Variants in SELP observed in about 807,000 individuals in gnomAD.
SELP encodes the protein P-selectin.
In SELP, 92 loss-of-function variants were observed where a neutral mutation model predicts 104.1. That is an observed-to-expected ratio of 0.88 (90% CI 0.75 to 1.05). The LOEUF (loss-of-function observed/expected upper bound fraction) is 1.05. Among genes scored for constraint, SELP ranks in the 50% least tolerant of loss-of-function variants. SELP has a pLI of 0.00. For missense variants in SELP, 1,022 were observed against 1,017.3 expected (o/e 1.00, Z -0.06); for synonymous variants, 397 against 364.5 (o/e 1.09, Z -1.01).
At chr1:169,593,823 C>T (rs995222117) in intron 13 of SELP, 99 bp from the exon 14 acceptor site, 28 of 1,259,600 alleles carry the variant, frequency 2.2e-5, no homozygotes, top group South Asian at 2.2e-4. Flanking sequence ...CTAAGATGTG[C>T]GATCAAGTAG....
intron 14 of SELP, 64 bp from the exon 15 acceptor site, chr1:169,591,520 C>T (rs902311331): frequency 8.3e-7 from 1 of 1,200,856 alleles, no homozygotes; most frequent in South Asian, 1.4e-5. Context: ...AAGAGAGGGT[C>T]ATTAAGGATA....
chr1:169,617,536 G>C, intron 2 of SELP, 122 bp from the exon 3 acceptor site: 4 of 1,002,812 alleles, frequency 4.0e-6, no homozygotes, highest in Non-Finnish European at 5.9e-6. Flanking sequence ...ACAAAACAAC[G>C]ACTAGTTTAT....
intron 2 of SELP, among the ~76,000 whole-genome samples, chr1:169,618,865 G>A (rs3917699): frequency 0.056 from 8,467 of 152,208 alleles, 267 homozygotes; most frequent in South Asian, 0.11. Flanking sequence ...AAATTCAGAC[G>A]TGTGTGGGTC....
At chr1:169,601,567 G>T (rs925814232) in intron 10 of SELP, among the ~76,000 whole-genome samples, 2 of 152,182 alleles carry the variant, frequency 1.3e-5, no homozygotes, top group Non-Finnish European at 2.9e-5. Context: ...CATTTCTAAA[G>T]TTCATTTAGC....
Position 169,612,357 on chromosome 1 carries a change from GTCATGTTTCCTCGT to G in SELP, c.807_820del (p.Glu269AspfsTer14). 1.2e-6 allele frequency: 2 copies of G among 1,614,084 alleles called. No individual in the cohort carries two copies. Among genetic ancestry groups the G allele is most frequent in the Non-Finnish European group, 1.7e-6 (2 of 1,180,000 alleles). ...GAATGCTTTTGCAGAATGAAGGCAG[GTCATGTTTCCTCGT>G]TCAGGAATCTTCAGGGGTGGGCACT... is the stretch of plus-strand genomic sequence containing the variant. On this transcript the variant is annotated frameshift_variant, in exon 6 of 17. Transcript: ENST00000263686. LOFTEE classifies it high-confidence loss of function.
intron 14 of SELP, 88 bp downstream of exon 14, chr1:169,593,517 G>T: frequency 8.5e-7 from 1 of 1,181,272 alleles, no homozygotes; most frequent in Non-Finnish European, 1.2e-6. Flanking sequence ...TGAAGTTGTG[G>T]TTTTTGCCTC....
chr1:169,589,005 A>T lies in SELP; in HGVS notation c.*458T>A, dbSNP rs988767059. On this transcript the variant is annotated 3_prime_UTR_variant, in exon 17 of 17. Coordinates refer to ENST00000263686, the MANE Select transcript of SELP (RefSeq NM_003005.4). Reference sequence around the variant, plus strand: ...TGGTGCCATCCAGAGGACTCTCTGGAAGCCTCAGAGCAGAGGTCCAAGAGG... The same window carrying T: ...TGGTGCCATCCAGAGGACTCTCTGGTAGCCTCAGAGCAGAGGTCCAAGAGG... 2.6e-5 allele frequency: 4 copies of T among 152,158 alleles called. No individual in the cohort carries two copies. Among genetic ancestry groups the T allele is most frequent in the African/African-American group, 9.7e-5 (4 of 41,436 alleles). The allele number at this position is 152,158 out of a possible 1,614,324, so 9.4% of individuals were successfully genotyped here.
At chr1:169,600,960 C>CAAAT (rs1360763805) in intron 10 of SELP, among the ~76,000 whole-genome samples, 3 of 152,046 alleles carry the variant, frequency 2.0e-5, no homozygotes, top group Non-Finnish European at 4.4e-5. Flanking sequence ...AAGTGGGAGG[C>CAAAT]AAATGCCTCC....
Position 169,611,514 on chromosome 1 carries a change from A to G in SELP, c.1125T>C (p.Ser375=). The G allele has an allele frequency of 3.1e-6, 5 of 1,614,060 alleles. No homozygotes were observed. The highest frequency in any genetic ancestry group is 4.2e-6 in the Non-Finnish European group (5 of 1,179,968). The change falls in exon 7 of 17, where the codon TCT becomes TCC. Residue 375 remains serine, a synonymous_variant. Transcript: ENST00000263686. The part of the protein sequence containing the change: ...MLRCIDSGHW[S]APLPTCEAIS... ...TACCCTCACAGGTTGGCAAGGGTGC[A>G]GACCAGTGTCCAGAGTCAATGCAGC...
At chr1:169,615,181 G>A (rs1199818240) in intron 3 of SELP, among the ~76,000 whole-genome samples, 1 of 152,076 alleles carries the variant, frequency 6.6e-6, no homozygotes, top group African/African-American at 2.4e-5. Flanking sequence ...CCTGACATGT[G>A]GAGAATTATT....
chr1:169,591,513 A>G (rs1337675788), intron 14 of SELP, 57 bp from the exon 15 acceptor site: 3 of 1,280,392 alleles, frequency 2.3e-6, no homozygotes, highest in South Asian at 2.7e-5. Flanking sequence ...AAGATGAAAG[A>G]GAGGGTCATT....
intron 12 of SELP, among the ~76,000 whole-genome samples, chr1:169,595,130 T>C (rs1661539183): frequency 6.6e-6 from 1 of 152,218 alleles, no homozygotes; most frequent in Admixed American, 6.5e-5. Context: ...TACCTGCTAA[T>C]GCATTGATAA....
intron 6 of SELP, among the ~76,000 whole-genome samples, 171 bp from the exon 7 acceptor site, chr1:169,611,848 T>C (rs1404598811): frequency 1.3e-5 from 2 of 152,168 alleles, no homozygotes; most frequent in Non-Finnish European, 2.9e-5. Context: ...CAGGGTGATC[T>C]GAGTCTGTTA....
chr1:169,616,908 C>T (rs1662840356), intron 3 of SELP, 120 bp downstream of exon 3: 1 of 1,053,028 alleles, frequency 9.5e-7, no homozygotes, highest in East Asian at 2.4e-5. Context: ...AACAATTTAC[C>T]CCTTGATTTC....
chr1:169,595,249 G>A (rs742125), intron 12 of SELP, among the ~76,000 whole-genome samples: 34,900 of 152,102 alleles, frequency 0.23, 7,208 homozygotes, highest in African/African-American at 0.56. Flanking sequence ...TGTGTTTATT[G>A]AAATACTTAA....
chr1:169,621,729 T>C (rs993715376), intron 1 of SELP, among the ~76,000 whole-genome samples: 1 of 152,230 alleles, frequency 6.6e-6, no homozygotes, highest in African/African-American at 2.4e-5. Flanking sequence ...TTTGTGTTCT[T>C]ATAAGCTGCT....
intron 14 of SELP, among the ~76,000 whole-genome samples, chr1:169,593,188 C>T (rs1184558899): frequency 6.6e-6 from 1 of 152,150 alleles, no homozygotes; most frequent in Non-Finnish European, 1.5e-5. Context: ...CACACTCTAA[C>T]AGAGTTGATG....
intron 15 of SELP, among the ~76,000 whole-genome samples, chr1:169,590,544 T>G (rs1180579859): frequency 6.7e-6 from 1 of 150,244 alleles, no homozygotes; most frequent in Admixed American, 6.6e-5. Flanking sequence ...TTTCAAAGGG[T>G]GCAATATGAC....
rs1294588476 is a variant in SELP at position 169,589,217 on chromosome 1, G to T, written c.*246C>A. 6.6e-6 allele frequency: 1 copy of T among 152,198 alleles called. No homozygotes were observed. The highest frequency in any genetic ancestry group is 1.5e-5 in the Non-Finnish European group (1 of 68,038). The allele number at this position is 152,198 out of a possible 1,614,324, so 9.4% of individuals were successfully genotyped here. A position where few individuals can be genotyped will look rare whatever the true frequency, so the allele number is the denominator to read the frequency against. ...ATGCTCCAGTCTCTTTGGTTCACTG[G>T]TATTTCAAGTAACAGGTGAGTCAAA... On this transcript the variant is annotated 3_prime_UTR_variant, in exon 17 of 17. Coordinates refer to ENST00000263686, the MANE Select transcript of SELP (RefSeq NM_003005.4).
Sources: allele counts gnomAD v4.1 joint callset (sites outside exome capture counted in the v4.1 genomes callset), GRCh38; gene constraint gnomAD v4.1.1; transcripts MANE v1.5; gene names NCBI Gene and HGNC (gene_info 2026-07-23, HGNC 2026-07-21).